PCSK6: variants seen among roughly 807,000 people sequenced by gnomAD.
PCSK6 encodes the protein paired basic amino acid cleaving enzyme 4.
Under a neutral mutation model 123.3 loss-of-function variants are expected in PCSK6, and 85 were observed. That is an observed-to-expected ratio of 0.69 (90% CI 0.58 to 0.83). The LOEUF is 0.83. Among genes scored for constraint, PCSK6 ranks in the 40% least tolerant of loss-of-function variants. The probability of loss-of-function intolerance (pLI) is 0.00; values close to 1 mark genes in which losing one functional copy is unlikely to be tolerated. For synonymous variants in PCSK6, 508 were observed against 516.0 expected (o/e 0.98, Z 0.21); for missense variants, 1,191 against 1,282.3 (o/e 0.93, Z 1.09).
chr15:101,380,619 G>A (rs1487959488), intron 11 of PCSK6, among the ~76,000 whole-genome samples: 4 of 152,346 alleles, frequency 2.6e-5, no homozygotes, highest in South Asian at 2.1e-4. Flanking sequence ...CGGTCAGTGT[G>A]CAATTAGCCA....
chr15:101,415,717 AAT>A (rs1397538124), intron 6 of PCSK6, among the ~76,000 whole-genome samples: 3 of 152,158 alleles, frequency 2.0e-5, no homozygotes, highest in African/African-American at 7.2e-5. Context: ...AGGGGGAGGT[AAT>A]TGAATCATGG....
At chr15:101,424,510 G>T (rs1197605097) in intron 6 of PCSK6, among the ~76,000 whole-genome samples, 1 of 152,206 alleles carries the variant, frequency 6.6e-6, no homozygotes, top group Non-Finnish European at 1.5e-5. Flanking sequence ...CAAAAGAGGT[G>T]AGAGATAACC....
intron 11 of PCSK6, among the ~76,000 whole-genome samples, chr15:101,380,271 C>T (rs1015435292): frequency 7.9e-5 from 12 of 152,226 alleles, no homozygotes; most frequent in Admixed American, 2.6e-4. Flanking sequence ...CTAGGCACCA[C>T]TCTGCCATCT....
At chr15:101,403,953 T>TCAGGTGATCCGCC (rs2042692691) in intron 6 of PCSK6, among the ~76,000 whole-genome samples, 1 of 152,198 alleles carries the variant, frequency 6.6e-6, no homozygotes, top group Admixed American at 6.5e-5. Context: ...ACTCCTGACT[T>TCAGGTGATCCGCC]CAGGTGATCC....
At chr15:101,331,578 T>C in intron 15 of PCSK6, 73 bp downstream of exon 15, 1 of 1,404,146 alleles carries the variant, frequency 7.1e-7, no homozygotes, top group Non-Finnish European at 1.0e-6. Context: ...GACCCCATTC[T>C]GGTTGGGCAT....
At chr15:101,339,314 A>G (rs2040548706) in intron 13 of PCSK6, among the ~76,000 whole-genome samples, 1 of 152,222 alleles carries the variant, frequency 6.6e-6, no homozygotes, top group Admixed American at 6.5e-5. Flanking sequence ...TCCTTAATTG[A>G]AACACAGTGA....
intron 5 of PCSK6, among the ~76,000 whole-genome samples, chr15:101,428,907 G>A (rs562456437): frequency 6.6e-6 from 1 of 152,168 alleles, no homozygotes; most frequent in Non-Finnish European, 1.5e-5. Flanking sequence ...TGGTATGTGG[G>A]TCATTCCTCC....
intron 8 of PCSK6, 135 bp from the exon 9 acceptor site, chr15:101,389,699 C>T (rs1395325832): frequency 1.5e-6 from 1 of 647,258 alleles, no homozygotes; most frequent in Non-Finnish European, 2.7e-6. Context: ...AGGTGTTAGG[C>T]AAATGCATCT....
chr15:101,489,212 C>G (rs866220726), intron 1 of PCSK6, among the ~76,000 whole-genome samples, 162 bp downstream of exon 1: 2 of 126,718 alleles, frequency 1.6e-5, no homozygotes, highest in East Asian at 2.7e-4. Context: ...GACACCCCCC[C>G]CCGCAGGGCG....
At chr15:101,480,658 G>A (rs1349537940) in intron 1 of PCSK6, among the ~76,000 whole-genome samples, 1 of 152,224 alleles carries the variant, frequency 6.6e-6, no homozygotes, top group Non-Finnish European at 1.5e-5. Context: ...GGGATGATGG[G>A]ACCCGCAGGG....
At chr15:101,335,700 C>G (rs2040462779) in intron 13 of PCSK6, among the ~76,000 whole-genome samples, 1 of 152,194 alleles carries the variant, frequency 6.6e-6, no homozygotes, top group African/African-American at 2.4e-5. Context: ...TAAACAATCC[C>G]CTACTCATGG....
intron 1 of PCSK6, among the ~76,000 whole-genome samples, chr15:101,473,085 C>G (rs12913777): frequency 0.75 from 113,939 of 152,018 alleles, 43,395 homozygotes; most frequent in Non-Finnish European, 0.83. Flanking sequence ...GTTTTCTTTT[C>G]TTTTCTAGAG....
At chr15:101,404,643 A>G (rs2042714914) in intron 6 of PCSK6, among the ~76,000 whole-genome samples, 1 of 152,220 alleles carries the variant, frequency 6.6e-6, no homozygotes, top group South Asian at 2.1e-4. Flanking sequence ...CCATGGTCTC[A>G]ACCTCTCTAA....
chr15:101,319,291 T>C (rs1015492003), intron 18 of PCSK6, among the ~76,000 whole-genome samples: 2 of 152,202 alleles, frequency 1.3e-5, no homozygotes, highest in African/African-American at 4.8e-5. Context: ...GTGACGTACA[T>C]GTTCTAGATG....
intron 13 of PCSK6, chr15:101,346,791 G>T (rs2040742077): frequency 2.4e-6 from 3 of 1,230,524 alleles, no homozygotes; most frequent in Non-Finnish European, 2.0e-6. Context: ...TGAGACAAAG[G>T]TCATCTTTTT....
In PCSK6 at chr15:101,489,641, C is replaced by G. The variant is rs896859325; in HGVS notation, c.30G>C (p.Gly10=). MPPRAPPAP[G]PRPPPRAAAA... The stretch of plus-strand genomic sequence containing the variant: ...CGGCGGCCCGGGGCGGCGGCCGGGG[C>G]CCGGGCGCAGGCGGCGCGCGCGGAG... Residue 10 remains glycine (G), a synonymous_variant, in exon 1 of 22, where the codon GGG becomes GGC. Coordinates refer to ENST00000611716, the MANE Select transcript of PCSK6 (RefSeq NM_002570.5). 1.0e-6 allele frequency: 1 copy of G among 975,438 alleles called. No individual in the cohort carries two copies. 60.4% of individuals were successfully genotyped at this position (975,438 alleles called of 1,614,324 possible).
At chr15:101,355,225 A>C (rs1425121067) in intron 13 of PCSK6, among the ~76,000 whole-genome samples, 1 of 152,280 alleles carries the variant, frequency 6.6e-6, no homozygotes, top group Non-Finnish European at 1.5e-5. Context: ...GATTTTTTAA[A>C]GTGCCATCAA....
chr15:101,476,490 G>A (rs984912358), intron 1 of PCSK6, among the ~76,000 whole-genome samples: 8 of 149,052 alleles, frequency 5.4e-5, no homozygotes, highest in Middle Eastern at 3.4e-3. Context: ...TTCCCAAGAC[G>A]TCCCACTGTT....
chr15:101,391,561 C>G (rs1194046383), intron 8 of PCSK6, among the ~76,000 whole-genome samples: 1 of 152,212 alleles, frequency 6.6e-6, no homozygotes, highest in African/African-American at 2.4e-5. Context: ...AGGTTTTACT[C>G]CTCTATAAAG....
Sources: gnomAD v4.1 joint callset for allele counts (sites outside exome capture counted in the v4.1 genomes callset) on GRCh38, gnomAD v4.1.1 for gene constraint, MANE v1.5 for transcripts, NCBI Gene and HGNC (gene_info 2026-07-23, HGNC 2026-07-21) for gene names.